ATXN8OS: variants seen among roughly 807,000 people sequenced by gnomAD.
ATXN8OS encodes the protein ATXN8 opposite strand lncRNA.
chr13:70,159,776 A>G (rs1385106250), intron 4 of ATXN8OS, among the ~76,000 whole-genome samples: 1 of 152,204 alleles, frequency 6.6e-6, no homozygotes, highest in African/African-American at 2.4e-5. Flanking sequence ...AGAATATCAC[A>G]TGGAATCATA....
intron 4 of ATXN8OS, among the ~76,000 whole-genome samples, chr13:70,169,666 C>A (rs146394135): frequency 0.014 from 2,135 of 150,248 alleles, 38 homozygotes; most frequent in Non-Finnish European, 0.022. Context: ...CTTTGAGGGG[C>A]AACACATCCA....
chr13:70,159,054 ATTCAT>A (rs954435655), intron 4 of ATXN8OS, among the ~76,000 whole-genome samples: 35 of 151,668 alleles, frequency 2.3e-4, no homozygotes, highest in African/African-American at 7.0e-4. Flanking sequence ...CTGGATAATG[ATTCAT>A]TTCATTTTCT....
chr13:70,133,292 C>T (rs757972476), intron 3 of ATXN8OS, among the ~76,000 whole-genome samples: 6 of 152,024 alleles, frequency 3.9e-5, no homozygotes, highest in South Asian at 2.1e-4. Context: ...TGATGGTGTG[C>T]GCCTGTAGTC....
intron 4 of ATXN8OS, among the ~76,000 whole-genome samples, chr13:70,160,762 TATA>T (rs1441841677): frequency 9.2e-5 from 2 of 21,830 alleles, no homozygotes; most frequent in Non-Finnish European, 3.8e-4. Flanking sequence ...TTTATATTTA[TATA>T]ATATGTAAAT....
intron 2 of ATXN8OS, among the ~76,000 whole-genome samples, chr13:70,125,932 G>C (rs891485432): frequency 6.6e-5 from 10 of 152,106 alleles, no homozygotes; most frequent in African/African-American, 2.2e-4. Flanking sequence ...AGGGACAGGG[G>C]TACAAATATG....
intron 2 of ATXN8OS, among the ~76,000 whole-genome samples, chr13:70,127,156 CAAT>C (rs932537756): frequency 2.0e-5 from 3 of 151,774 alleles, no homozygotes; most frequent in African/African-American, 7.2e-5. Context: ...GATAATAGCT[CAAT>C]AATTTATCTC....
At chr13:70,109,745 A>G (rs1888170909) in intron 1 of ATXN8OS, among the ~76,000 whole-genome samples, 1 of 152,194 alleles carries the variant, frequency 6.6e-6, no homozygotes, top group Non-Finnish European at 1.5e-5. Context: ...CAATGGTGAC[A>G]GATCATTTTT....
At chr13:70,150,673 T>C (rs1413918884) in intron 4 of ATXN8OS, among the ~76,000 whole-genome samples, 1 of 152,024 alleles carries the variant, frequency 6.6e-6, no homozygotes, top group Non-Finnish European at 1.5e-5. Context: ...AATAAGCACA[T>C]CTTTCTAAAG....
chr13:70,127,961 G>C (rs999811238), intron 2 of ATXN8OS, among the ~76,000 whole-genome samples: 1 of 151,648 alleles, frequency 6.6e-6, no homozygotes, highest in Non-Finnish European at 1.5e-5. Context: ...CCTGCTTTAA[G>C]GTACTTTCAT....
chr13:70,155,204 A>G (rs1888921651), intron 4 of ATXN8OS, among the ~76,000 whole-genome samples: 1 of 152,080 alleles, frequency 6.6e-6, no homozygotes, highest in Non-Finnish European at 1.5e-5. Flanking sequence ...TTGCTCTCTA[A>G]TATCTGATCC....
intron 3 of ATXN8OS, chr13:70,131,098 C>T (rs1215797681): frequency 2.5e-6 from 1 of 398,378 alleles, no homozygotes; most frequent in Non-Finnish European, 4.4e-6. Context: ...TTCTTCCCTG[C>T]TCTTCCCAAT....
chr13:70,123,387 G>C (rs1888388382), intron 2 of ATXN8OS, among the ~76,000 whole-genome samples: 2 of 152,064 alleles, frequency 1.3e-5, no homozygotes, highest in African/African-American at 4.8e-5. Flanking sequence ...CTAGTCACTA[G>C]AGTGAATATT....
At chr13:70,151,714 G>C (rs893600875) in intron 4 of ATXN8OS, among the ~76,000 whole-genome samples, 1 of 152,052 alleles carries the variant, frequency 6.6e-6, no homozygotes, top group Non-Finnish European at 1.5e-5. Flanking sequence ...CACTGAATAG[G>C]AGGGAGCGAT....
At chr13:70,138,672 A>T (rs550550394) in intron 3 of ATXN8OS, among the ~76,000 whole-genome samples, 1 of 152,164 alleles carries the variant, frequency 6.6e-6, no homozygotes, top group Non-Finnish European at 1.5e-5. Context: ...ATGCATTCCA[A>T]AATGAAAGAG....
chr13:70,140,582 T>C (rs1009068929), intron 3 of ATXN8OS, among the ~76,000 whole-genome samples: 3 of 149,064 alleles, frequency 2.0e-5, no homozygotes, highest in Admixed American at 2.0e-4. Flanking sequence ...ATAAAAGTAA[T>C]TCAATGGTTC....
At chr13:70,160,022 G>A (rs915182861) in intron 4 of ATXN8OS, among the ~76,000 whole-genome samples, 2 of 152,104 alleles carry the variant, frequency 1.3e-5, no homozygotes, top group South Asian at 4.1e-4. Context: ...AACATAAGAT[G>A]TTATTTATCT....
intron 3 of ATXN8OS, among the ~76,000 whole-genome samples, chr13:70,134,555 C>G (rs746047892): frequency 2.0e-5 from 3 of 152,188 alleles, no homozygotes; most frequent in Non-Finnish European, 2.9e-5. Flanking sequence ...GATAGCAAAG[C>G]TCATCCCAAA....
exon 5 of ATXN8OS, among the ~76,000 whole-genome samples, chr13:70,169,768 A>C (rs747649668): frequency 3.0e-4 from 46 of 152,060 alleles, no homozygotes; most frequent in Non-Finnish European, 6.3e-4. Flanking sequence ...TGTCTTCCCA[A>C]GGTTACAACA....
intron 2 of ATXN8OS, among the ~76,000 whole-genome samples, chr13:70,117,567 C>T (rs2137472580): frequency 6.6e-6 from 1 of 152,002 alleles, no homozygotes; most frequent in Middle Eastern, 3.4e-3. Flanking sequence ...CATTATTCCT[C>T]CTAGTTGCCT....
Sources: gnomAD v4.1 joint callset for allele counts (sites outside exome capture counted in the v4.1 genomes callset) on GRCh38, gnomAD v4.1.1 for gene constraint, MANE v1.5 for transcripts, NCBI Gene and HGNC (gene_info 2026-07-23, HGNC 2026-07-21) for gene names.